The following TEKTL1 variants were observed in gnomAD, a reference collection of about 807,000 sequenced individuals.
TEKTL1 encodes tektin like 1, also known as tektin-like protein 1.
chr19:15,012,977 GA>G, the TEKTL1 span, among the ~76,000 whole-genome samples: 1 of 152,022 alleles, frequency 6.6e-6, no homozygotes, highest in South Asian at 2.1e-4. Flanking sequence ...TTCAGGAAGT[GA>G]AAATCTCCAC....
At chr19:15,021,817 G>A in the TEKTL1 span, 40 of 1,613,958 alleles carry the variant, frequency 2.5e-5, no homozygotes, top group Non-Finnish European at 3.1e-5. Context: ...GTCCTCTGTC[G>A]AAAGTTCACC....
At chr19:15,016,785 G>C in the TEKTL1 span, among the ~76,000 whole-genome samples, 1 of 152,184 alleles carries the variant, frequency 6.6e-6, no homozygotes, top group Non-Finnish European at 1.5e-5. Context: ...ACTCAACTTG[G>C]CCAGTGTGCC....
At chr19:15,014,663 A>G in the TEKTL1 span, among the ~76,000 whole-genome samples, 2 of 125,772 alleles carry the variant, frequency 1.6e-5, no homozygotes, top group African/African-American at 6.0e-5. Flanking sequence ...GGGAGTGGGG[A>G]GGAGGGGAGA....
the TEKTL1 span, chr19:15,020,326 G>C: frequency 1.4e-6 from 1 of 718,480 alleles, no homozygotes; most frequent in Non-Finnish European, 2.2e-6. Context: ...AAAAAAATGA[G>C]AGTGTCAGTT....
At chr19:15,014,724 G>GGGGGGGC in the TEKTL1 span, among the ~76,000 whole-genome samples, 2 of 128,630 alleles carry the variant, frequency 1.6e-5, no homozygotes, top group Non-Finnish European at 3.3e-5. Flanking sequence ...GAGACTCAGT[G>GGGGGGGC]GGGGGGCGGG....
At chr19:15,021,629 T>C in the TEKTL1 span, 1 of 1,614,056 alleles carries the variant, frequency 6.2e-7, no homozygotes, top group Middle Eastern at 1.7e-4. Context: ...AGATTAAATA[T>C]GACGTTAGGA....
At chr19:15,021,453 G>A in the TEKTL1 span, 1 of 1,614,226 alleles carries the variant, frequency 6.2e-7, no homozygotes, top group Non-Finnish European at 8.5e-7. Context: ...GGGAGCAACA[G>A]CTGCAGATAA....
chr19:15,018,626 T>A, the TEKTL1 span, among the ~76,000 whole-genome samples: 1 of 147,910 alleles, frequency 6.8e-6, no homozygotes, highest in Admixed American at 6.8e-5. Flanking sequence ...GGTGGGAGGA[T>A]CGCTTGAGCA....
At chr19:15,021,667 A>G in the TEKTL1 span, 4 of 1,614,140 alleles carry the variant, frequency 2.5e-6, no homozygotes, top group Admixed American at 6.7e-5. Flanking sequence ...CCTCCGGTGT[A>G]CGAAATATAA....
the TEKTL1 span, chr19:15,022,997 G>T: frequency 7.4e-6 from 12 of 1,613,040 alleles, no homozygotes; most frequent in South Asian, 7.7e-5. Flanking sequence ...GGACGGCAAC[G>T]TGGTGCGCCT....
the TEKTL1 span, among the ~76,000 whole-genome samples, chr19:15,014,738 C>G: frequency 0.16 from 4,670 of 29,390 alleles, 226 homozygotes; most frequent in Middle Eastern, 0.22. Flanking sequence ...GGGCGGGGGG[C>G]GGGGGCTGCT....
the TEKTL1 span, chr19:15,011,334 A>G: frequency 1.3e-6 from 2 of 1,500,476 alleles, no homozygotes; most frequent in Non-Finnish European, 8.8e-7. Context: ...GAAGTGCGCA[A>G]GGGTCTGCTT....
the TEKTL1 span, chr19:15,020,689 G>T: frequency 1.3e-6 from 2 of 1,570,056 alleles, no homozygotes; most frequent in Non-Finnish European, 1.7e-6. Context: ...GGTCGTATTG[G>T]TGCCCACCCA....
chr19:15,023,137 G>GC, the TEKTL1 span: 1 of 1,557,476 alleles, frequency 6.4e-7, no homozygotes, highest in Non-Finnish European at 8.6e-7. Flanking sequence ...AGCGTCCCCC[G>GC]CCCCAGCCAG....
chr19:15,022,740 C>T, the TEKTL1 span: 1 of 802,184 alleles, frequency 1.2e-6, no homozygotes. Context: ...TTTTTCCAGG[C>T]ACACCTGGCC....
the TEKTL1 span, among the ~76,000 whole-genome samples, chr19:15,014,738 C>CGGGGGGGGGGG: frequency 9.4e-4 from 28 of 29,804 alleles, no homozygotes; most frequent in African/African-American, 2.5e-3. Flanking sequence ...GGGCGGGGGG[C>CGGGGGGGGGGG]GGGGGCTGCT....
the TEKTL1 span, chr19:15,011,002 C>T: frequency 6.3e-7 from 1 of 1,589,186 alleles, no homozygotes; most frequent in Non-Finnish European, 8.5e-7. Flanking sequence ...CGAACGTGGC[C>T]CACCACCTCG....
At chr19:15,016,579 A>G in the TEKTL1 span, among the ~76,000 whole-genome samples, 1 of 152,348 alleles carries the variant, frequency 6.6e-6, no homozygotes, top group African/African-American at 2.4e-5. Context: ...TTCATGAACA[A>G]AAGACTTTTT....
At chr19:15,018,534 C>G in the TEKTL1 span, among the ~76,000 whole-genome samples, 1 of 150,602 alleles carries the variant, frequency 6.6e-6, no homozygotes, top group Non-Finnish European at 1.5e-5. Flanking sequence ...CATAGTAAGA[C>G]CGCGTCCCTA....
Sources: gnomAD v4.1 joint callset for allele counts (sites outside exome capture counted in the v4.1 genomes callset) on GRCh38, gnomAD v4.1.1 for gene constraint, MANE v1.5 for transcripts, NCBI Gene and HGNC (gene_info 2026-07-23, HGNC 2026-07-21) for gene names.